ZBTB46: variants seen among roughly 807,000 people sequenced by gnomAD.
ZBTB46 encodes the protein zinc finger and BTB domain containing 46.
In ZBTB46, 8 loss-of-function variants were observed where a neutral mutation model predicts 44.1. The observed-to-expected ratio is 0.18, with a 90% CI of 0.11 to 0.33. ZBTB46 has a LOEUF of 0.33. Among genes scored for constraint, ZBTB46 ranks in the 10% least tolerant of loss-of-function variants. The probability of loss-of-function intolerance (pLI) is 1.00; values close to 1 mark genes in which losing one functional copy is unlikely to be tolerated. For missense variants in ZBTB46, 651 were observed against 847.7 expected (o/e 0.77, Z 2.88); for synonymous variants, 409 against 382.3 (o/e 1.07, Z -0.81).
Position 63,792,221 on chromosome 20 carries a change from AG to A in ZBTB46, c.-33-1432del, listed in dbSNP as rs373543439. Among the ~76,000 whole-genome samples, 28 of 152,284 alleles carry A rather than the reference AG, an allele frequency of 1.8e-4. 1 individual carries two copies. The East Asian group carries it at 4.3e-3, about 23-fold the overall frequency. The stretch of plus-strand genomic sequence containing the variant: ...CTAGAACTTCCACAGACAAATCGTA[AG>A]GGGACACGTTCACCCCACAGCCCTG... On this transcript the variant is annotated intron_variant, in intron 1 of 4. Transcript: ENST00000245663.
chr20:63,778,850 G>A (rs1436705686), intron 2 of ZBTB46, among the ~76,000 whole-genome samples: 1 of 152,162 alleles, frequency 6.6e-6, no homozygotes, highest in Non-Finnish European at 1.5e-5. Flanking sequence ...TCTTAGCTTG[G>A]GATGCCATGA....
intron 1 of ZBTB46, among the ~76,000 whole-genome samples, chr20:63,824,527 G>A (rs1232609333): frequency 2.0e-5 from 3 of 151,964 alleles, no homozygotes; most frequent in African/African-American, 4.8e-5. Context: ...CCTGAACCAC[G>A]CCCTTTTTCC....
intron 1 of ZBTB46, among the ~76,000 whole-genome samples, chr20:63,795,489 C>A (rs912292073): frequency 5.3e-5 from 8 of 152,262 alleles, no homozygotes; most frequent in African/African-American, 1.9e-4. Context: ...TGCGCCAGCA[C>A]ACTGTGCTTT....
intron 1 of ZBTB46, among the ~76,000 whole-genome samples, chr20:63,830,705 A>C (rs1474191364): frequency 6.8e-6 from 1 of 147,848 alleles, no homozygotes; most frequent in Non-Finnish European, 1.5e-5. Flanking sequence ...TACCAGCTGG[A>C]AAATTCCCCT....
At chr20:63,832,643 C>T (rs1339858731), upstream of ZBTB46, among the ~76,000 whole-genome samples, 1 of 152,128 alleles carries the variant, frequency 6.6e-6, no homozygotes, top group African/African-American at 2.4e-5. This position sits in a 1 kb window ranked among gnomAD's most constrained non-coding sequence, Gnocchi z 5.0. Flanking sequence ...AATGGCTGTG[C>T]GGACACCCCG....
intron 3 of ZBTB46, among the ~76,000 whole-genome samples, chr20:63,758,431 G>A (rs1011158250): frequency 1.2e-4 from 18 of 151,896 alleles, no homozygotes; most frequent in Non-Finnish European, 2.4e-4. Context: ...TCTGCCTCCT[G>A]ACTGACCCTG....
At chr20:63,748,745 G>A (rs2315648) in intron 4 of ZBTB46, among the ~76,000 whole-genome samples, 3 of 152,070 alleles carry the variant, frequency 2.0e-5, no homozygotes, top group African/African-American at 7.2e-5. Flanking sequence ...GCTGTCTCCC[G>A]GGGCCTGCAG....
chr20:63,775,653 A>G (rs2092418793), intron 3 of ZBTB46, 25 bp downstream of exon 3: 2 of 1,528,476 alleles, frequency 1.3e-6, no homozygotes, highest in African/African-American at 1.4e-5. Flanking sequence ...ACCAAAGCCA[A>G]GCGGCCCCCA....
At chr20:63,801,713 G>C (rs1568886145) in intron 1 of ZBTB46, among the ~76,000 whole-genome samples, 1 of 152,114 alleles carries the variant, frequency 6.6e-6, no homozygotes, top group Non-Finnish European at 1.5e-5. Context: ...CTGAACATCA[G>C]AAGGAACAAA....
intron 1 of ZBTB46, among the ~76,000 whole-genome samples, chr20:63,815,802 A>G (rs368727127): frequency 0.015 from 1,998 of 133,086 alleles, 52 homozygotes; most frequent in African/African-American, 0.055. Flanking sequence ...TGCAGTGGGT[A>G]CAGATGGGCA....
rs1451702091 is a variant in ZBTB46, at chr20:63,746,151, G to C, written c.*779C>G. 3 of 152,928 alleles carry C rather than the reference G, an allele frequency of 2.0e-5. No homozygotes were observed. Among genetic ancestry groups the C allele is most frequent in the Admixed American group, 6.5e-5 (1 of 15,308 alleles). 9.5% of individuals were successfully genotyped at this position (152,928 alleles called of 1,614,324 possible). ...AGGACGGGCAGAGCCCGGGGTGGAC[G>C]TGGCAGCCCAAGGCTCTCCGAGGAA... On this transcript the variant is annotated 3_prime_UTR_variant, in exon 5 of 5. Transcript: ENST00000245663.
At chr20:63,770,811 G>A (rs1388536462) in intron 3 of ZBTB46, among the ~76,000 whole-genome samples, 2 of 152,194 alleles carry the variant, frequency 1.3e-5, no homozygotes, top group Admixed American at 6.5e-5. Context: ...GAGGACCGCC[G>A]TGTCCCCATT....
intron 3 of ZBTB46, among the ~76,000 whole-genome samples, chr20:63,770,211 G>A (rs554565672): frequency 2.2e-4 from 34 of 152,290 alleles, no homozygotes; most frequent in South Asian, 1.7e-3. Context: ...TGGCTTCCTC[G>A]TGCTGTTTGG....
chr20:63,811,814 A>G (rs996346302), intron 1 of ZBTB46, among the ~76,000 whole-genome samples: 7 of 152,220 alleles, frequency 4.6e-5, no homozygotes, highest in Non-Finnish European at 8.8e-5. Context: ...CAACTCTGCC[A>G]TAAGACAAAA....
At chr20:63,776,724 A>G (rs1462515863) in intron 2 of ZBTB46, among the ~76,000 whole-genome samples, 1 of 151,902 alleles carries the variant, frequency 6.6e-6, no homozygotes, top group Non-Finnish European at 1.5e-5. Flanking sequence ...GAATCGCTTG[A>G]ACCCAGGAGG....
chr20:63,776,971 C>G (rs77275281), intron 2 of ZBTB46, among the ~76,000 whole-genome samples: 1 of 151,942 alleles, frequency 6.6e-6, no homozygotes, highest in Non-Finnish European at 1.5e-5. Flanking sequence ...ACTAAGGAAA[C>G]GCAAAACACA....
chr20:63,808,606 A>C (rs2092697592), intron 1 of ZBTB46, among the ~76,000 whole-genome samples: 1 of 152,134 alleles, frequency 6.6e-6, no homozygotes, highest in African/African-American at 2.4e-5. Context: ...CGTGGGTGGG[A>C]GGCGGACAGA....
rs916243109 is a variant in ZBTB46 at position 63,752,424 on chromosome 20, C to T, written c.1398+262G>A. On this transcript the variant is annotated intron_variant, in intron 4 of 4. Coordinates refer to ENST00000245663, the MANE Select transcript of ZBTB46 (RefSeq NM_001369741.1). The surrounding 1 kb of genome is among the most constrained non-coding windows in gnomAD (Gnocchi z 5.6). ...TCCAAGCAGAGCGAGCTGAGTTTGC[C>T]GAGGCCTGGCTGCCTTGGCGGCCAG... Among the ~76,000 whole-genome samples, 3 of 151,964 alleles carry T rather than the reference C, an allele frequency of 2.0e-5. No individual in the cohort carries two copies. The highest frequency in any genetic ancestry group is 1.9e-4 in the East Asian group (1 of 5,154).
upstream of ZBTB46, among the ~76,000 whole-genome samples, chr20:63,831,537 G>A (rs902860565): frequency 8.8e-5 from 13 of 148,162 alleles, no homozygotes; most frequent in Admixed American, 1.3e-4. Flanking sequence ...CGGAAGTGCG[G>A]GCTGGAGCTC....
Sources: gnomAD v4.1 joint callset for allele counts (sites outside exome capture counted in the v4.1 genomes callset) on GRCh38, gnomAD v4.1.1 for gene constraint, Gnocchi (gnomAD v3.1) non-coding constraint, MANE v1.5 for transcripts, NCBI Gene and HGNC (gene_info 2026-07-23, HGNC 2026-07-21) for gene names.